Variants in PRDX3 observed in about 807,000 individuals in gnomAD.
PRDX3 encodes thioredoxin-dependent peroxide reductase, mitochondrial.
Under a neutral mutation model 30.4 loss-of-function variants are expected in PRDX3, and 20 were observed. The ratio of observed to expected loss-of-function variants is 0.66; its 90% confidence interval spans 0.46 to 0.96. The LOEUF (loss-of-function observed/expected upper bound fraction) is 0.96. Ranked by LOEUF, PRDX3 falls within the 40% of genes least tolerant of loss-of-function variation. The pLI is 0.00. For synonymous variants in PRDX3, 124 were observed against 117.8 expected (o/e 1.05, Z -0.34); for missense variants, 322 against 318.3 (o/e 1.01, Z -0.09).
intron 6 of PRDX3, 136 bp downstream of exon 6, chr10:119,169,041 C>A (rs541112209): frequency 5.4e-6 from 5 of 932,808 alleles, no homozygotes; most frequent in Non-Finnish European, 8.2e-6. Context: ...CCCTCTACCC[C>A]ACAGCAGCTT....
In PRDX3 at chr10:119,170,917, A is replaced by G. The variant is rs115900350; in HGVS notation, c.551+1465T>C. The G allele has an allele frequency of 7.4e-3, 1,130 of 152,298 alleles. 16 individuals carry two copies. Among genetic ancestry groups the G allele is most frequent in the African/African-American group, 0.026 (1,079 of 41,468 alleles). 9.4% of individuals were successfully genotyped at this position (152,298 alleles called of 1,614,324 possible). A position where few individuals can be genotyped will look rare whatever the true frequency, so the allele number is the denominator to read the frequency against. On this transcript the variant is annotated intron_variant, in intron 5 of 6. Coordinates refer to ENST00000298510, the MANE Select transcript of PRDX3 (RefSeq NM_006793.5). The stretch of plus-strand genomic sequence containing the variant: ...CTCGAAAAGAAAAGAAAAAAAAAAA[A>G]AGAGAGGAAAAAAAGGCCCAAACTC...
intron 1 of PRDX3, 69 bp downstream of exon 1, chr10:119,178,686 C>T (rs1589668464): frequency 1.2e-5 from 18 of 1,528,176 alleles, no homozygotes; most frequent in Non-Finnish European, 1.4e-5. Flanking sequence ...AGCGCGGGGT[C>T]CTGTCTGAGA....
rs1330782916 is a variant in PRDX3, at chr10:119,177,648, T to C, written c.37-495A>G. Among the ~76,000 whole-genome samples the C allele has an allele frequency of 3.7e-5, 3 of 81,004 alleles. No homozygotes were observed. In the Admixed American group the frequency reaches 4.0e-4, roughly 11 times the overall value. The allele number at this position is 81,004 out of a possible 152,430, so 53.1% of individuals were successfully genotyped here. On this transcript the variant is annotated intron_variant, in intron 1 of 6. Coordinates refer to ENST00000298510, the MANE Select transcript of PRDX3 (RefSeq NM_006793.5). ...CTCTAACCTGGGCGACAACTCCGTCTCAAAAAAAAAAAAAAAAAAAATCAG... is the reference window on the plus strand; with the variant it reads ...CTCTAACCTGGGCGACAACTCCGTCCCAAAAAAAAAAAAAAAAAAAATCAG...
rs779647968 is a variant in PRDX3, at chr10:119,173,874, T to TG, written c.312-3dup. 9 of 1,595,778 alleles carry TG rather than the reference T, an allele frequency of 5.6e-6. No individual in the cohort carries two copies. The South Asian group carries it at 1.0e-4, about 18-fold the overall frequency. On this transcript the variant is annotated splice_region_variant and splice_polypyrimidine_tract_variant and intron_variant, in intron 3 of 6. Coordinates refer to ENST00000298510, the MANE Select transcript of PRDX3 (RefSeq NM_006793.5). Reference sequence around the variant, plus strand: ...ATTTCTGTAGGACACACAAAGGTGCTGGAAAAAAAGGATAGAAATTCTCAT... The same window carrying TG: ...ATTTCTGTAGGACACACAAAGGTGCTGGGAAAAAAAGGATAGAAATTCTCAT...
intron 2 of PRDX3, 120 bp from the exon 3 acceptor site, chr10:119,174,712 T>C (rs2133660927): frequency 9.9e-7 from 1 of 1,009,884 alleles, no homozygotes; most frequent in Non-Finnish European, 1.4e-6. Flanking sequence ...ATCAAAACAT[T>C]CGGTTCAACT....
chr10:119,173,976 A>G, intron 3 of PRDX3, 104 bp from the exon 4 acceptor site: 1 of 1,202,608 alleles, frequency 8.3e-7, no homozygotes, highest in East Asian at 2.4e-5. Context: ...AAAAAAGGCA[A>G]AATGGTTTAC....
At chr10:119,176,225 T>C (rs1848022968) in intron 2 of PRDX3, among the ~76,000 whole-genome samples, 1 of 152,166 alleles carries the variant, frequency 6.6e-6, no homozygotes. Context: ...AATGTCAAAA[T>C]GCCTGACACC....
chr10:119,176,227 C>A (rs968566947), intron 2 of PRDX3, among the ~76,000 whole-genome samples: 2 of 152,180 alleles, frequency 1.3e-5, no homozygotes, highest in African/African-American at 2.4e-5. Flanking sequence ...TGTCAAAATG[C>A]CTGACACCGC....
intron 6 of PRDX3, 46 bp from the exon 7 acceptor site, chr10:119,168,579 T>A: frequency 6.2e-7 from 1 of 1,607,642 alleles, no homozygotes; most frequent in Non-Finnish European, 8.5e-7. Flanking sequence ...TTTACCATAA[T>A]AATAGTCCCA....
intron 5 of PRDX3, 105 bp from the exon 6 acceptor site, chr10:119,169,447 T>C: frequency 4.0e-6 from 4 of 997,828 alleles, no homozygotes; most frequent in Non-Finnish European, 4.3e-6. Context: ...AAAATATTTA[T>C]TAAGCGTAAT....
In PRDX3 at chr10:119,169,164, GA is replaced by G. The variant is rs758760485; in HGVS notation, c.717+12del. 4 of 1,610,708 alleles carry G rather than the reference GA, an allele frequency of 2.5e-6. No individual in the cohort carries two copies. In the South Asian group the frequency reaches 3.3e-5, roughly 13 times the overall value. On this transcript the variant is annotated intron_variant, in intron 6 of 6. Coordinates refer to ENST00000298510, the MANE Select transcript of PRDX3 (RefSeq NM_006793.5). ...GAACATGGACCTCACTGCTTTTGGGGAAAAAAACCTACCGTAGGAGAATCCG... is the reference window on the plus strand; with the variant it reads ...GAACATGGACCTCACTGCTTTTGGGGAAAAAACCTACCGTAGGAGAATCCG...
At chr10:119,174,019 A>G (rs1260376485) in intron 3 of PRDX3, 147 bp from the exon 4 acceptor site, 2 of 649,924 alleles carry the variant, frequency 3.1e-6, no homozygotes, top group Admixed American at 7.3e-5. Flanking sequence ...TGTGCTGGCA[A>G]AAGTACTACT....
chr10:119,169,191 G>C lies in PRDX3; in HGVS notation c.703C>G (p.Pro235Ala). 6.2e-7 allele frequency: 1 copy of C among 1,612,370 alleles called. No homozygotes were observed. Among genetic ancestry groups the C allele is most frequent in the South Asian group, 1.1e-5 (1 of 91,006 alleles). Residue 235 changes from proline to alanine, a missense_variant, in exon 6 of 7, where the codon CCG becomes GCG. By Grantham distance (27) the Pro-to-Ala change is conservative. Coordinates refer to ENST00000298510, the MANE Select transcript of PRDX3 (RefSeq NM_006793.5). ...HGEVCPANWT[P>A]DSPTIKPSPA... ...AAAAAACCTACCGTAGGAGAATCCG[G>C]TGTCCAGTTCGCTGGGCAGACTTCT...
chr10:119,172,303 G>A, intron 5 of PRDX3, 79 bp downstream of exon 5: 1 of 1,233,326 alleles, frequency 8.1e-7, no homozygotes, highest in South Asian at 1.2e-5. Flanking sequence ...CTTTACCAAG[G>A]TCTACATAAA....
intron 1 of PRDX3, among the ~76,000 whole-genome samples, chr10:119,178,328 G>A (rs1387632292): frequency 6.6e-6 from 1 of 152,206 alleles, no homozygotes; most frequent in African/African-American, 2.4e-5. Flanking sequence ...GAAAGCCTTT[G>A]TGAGTTTTTT....
chr10:119,178,632 C>T (rs1173430602), intron 1 of PRDX3, 123 bp downstream of exon 1: 2 of 1,255,242 alleles, frequency 1.6e-6, no homozygotes, highest in African/African-American at 3.0e-5. Context: ...GGTCCGTTAC[C>T]CGCGGAAACC....
At chr10:119,171,336 G>A (rs367695115) in intron 5 of PRDX3, among the ~76,000 whole-genome samples, 6 of 151,554 alleles carry the variant, frequency 4.0e-5, no homozygotes, top group African/African-American at 9.7e-5. Context: ...CACCGCGCCC[G>A]GCCAGGTGAG....
rs1162043570 is a variant in PRDX3 at position 119,173,869 on chromosome 10, G to A, written c.315C>T (p.Thr105=). ...CAACAATTTCTGTAGGACACACAAAGGTGCTGGAAAAAAAGGATAGAAATT... is the reference window on the plus strand; with the variant it reads ...CAACAATTTCTGTAGGACACACAAAAGTGCTGGAAAAAAAGGATAGAAATT... ...LVLFFYPLDF[T]FVCPTEIVAF... is the part of the protein sequence containing the mutation. Residue 105 remains threonine (T), a synonymous_variant, in exon 4 of 7, where the codon ACC becomes ACT. Transcript: ENST00000298510. The A allele has an allele frequency of 1.9e-6, 3 of 1,596,384 alleles. No homozygotes were observed. Among genetic ancestry groups the A allele is most frequent in the Admixed American group, 1.7e-5 (1 of 57,544 alleles).
At chr10:119,177,820 A>G (rs1379701868) in intron 1 of PRDX3, among the ~76,000 whole-genome samples, 1 of 151,726 alleles carries the variant, frequency 6.6e-6, no homozygotes, top group Non-Finnish European at 1.5e-5. Flanking sequence ...ACAAGTAAAC[A>G]AGAAGAGCCA....
Sources: allele counts gnomAD v4.1 joint callset (sites outside exome capture counted in the v4.1 genomes callset), GRCh38; gene constraint gnomAD v4.1.1; transcripts MANE v1.5; gene names NCBI Gene and HGNC (gene_info 2026-07-23, HGNC 2026-07-21).